Variants in CAMK1D observed in about 807,000 individuals in gnomAD.
CAMK1D encodes the protein calcium/calmodulin dependent protein kinase ID.
In CAMK1D, 9 loss-of-function variants were observed where a neutral mutation model predicts 47.7. That is an observed-to-expected ratio of 0.19 (90% CI 0.11 to 0.33). The LOEUF is 0.33. CAMK1D is among the 10% of genes least tolerant of loss of function. CAMK1D has a pLI of 1.00. For missense variants in CAMK1D, 291 were observed against 488.7 expected, an observed-to-expected ratio of 0.60 and a Z score of 3.81; for synonymous variants, 184 against 184.9, an observed-to-expected ratio of 0.99 and a Z score of 0.04.
At chr10:12,601,428 G>A (rs1238057516) in intron 2 of CAMK1D, among the ~76,000 whole-genome samples, 2 of 152,110 alleles carry the variant, frequency 1.3e-5, no homozygotes, top group Admixed American at 6.5e-5. Context: ...CCTCGTATAA[G>A]TCTGCCACAG....
intron 3 of CAMK1D, among the ~76,000 whole-genome samples, chr10:12,674,382 C>T (rs1181939150): frequency 6.6e-6 from 1 of 152,154 alleles, no homozygotes; most frequent in African/African-American, 2.4e-5. Context: ...CTGTATTTTA[C>T]AATGTTTGTG....
chr10:12,543,339 A>T (rs541812061), intron 1 of CAMK1D, among the ~76,000 whole-genome samples: 1 of 152,228 alleles, frequency 6.6e-6, no homozygotes, highest in Admixed American at 6.5e-5. Flanking sequence ...GTTAGCCACC[A>T]CGCCTGGCCA....
chr10:12,782,332 A>G (rs1837536890), intron 5 of CAMK1D, among the ~76,000 whole-genome samples: 3 of 152,208 alleles, frequency 2.0e-5, no homozygotes, highest in Non-Finnish European at 4.4e-5. Context: ...TGCTACTGAC[A>G]GGAAGCTGAC....
intron 3 of CAMK1D, among the ~76,000 whole-genome samples, chr10:12,728,811 G>A (rs545638716): frequency 6.6e-6 from 1 of 151,530 alleles, no homozygotes; most frequent in African/African-American, 2.4e-5. Context: ...TTGGGAGTGC[G>A]TGTGTGTGTG....
chr10:12,506,761 G>A (rs1834887084), intron 1 of CAMK1D, among the ~76,000 whole-genome samples: 1 of 151,842 alleles, frequency 6.6e-6, no homozygotes. Flanking sequence ...CTCGTGATCC[G>A]CCCGCCTCAG....
At chr10:12,538,167 G>A (rs1373405758) in intron 1 of CAMK1D, among the ~76,000 whole-genome samples, 2 of 152,174 alleles carry the variant, frequency 1.3e-5, no homozygotes, top group South Asian at 2.1e-4. Context: ...AAATAGACCC[G>A]CTTAGTTTAG....
intron 2 of CAMK1D, among the ~76,000 whole-genome samples, chr10:12,627,153 C>T (rs1197877150): frequency 6.7e-6 from 1 of 149,350 alleles, no homozygotes; most frequent in Non-Finnish European, 1.5e-5. Context: ...TCGATCTCCG[C>T]TCACTGCAAG....
chr10:12,554,529 TAGA>T (rs1836698573), intron 2 of CAMK1D, among the ~76,000 whole-genome samples: 1 of 139,506 alleles, frequency 7.2e-6, no homozygotes, highest in African/African-American at 2.5e-5. Flanking sequence ...ATGGCACACA[TAGA>T]ACCATTCATT....
chr10:12,533,731 G>A (rs184852497), intron 1 of CAMK1D, among the ~76,000 whole-genome samples: 15 of 152,258 alleles, frequency 9.9e-5, no homozygotes, highest in Admixed American at 9.8e-4. Flanking sequence ...AACAGTTAGT[G>A]TTCTGACATG....
At chr10:12,579,823 A>T (rs1186913465) in intron 2 of CAMK1D, among the ~76,000 whole-genome samples, 1 of 152,116 alleles carries the variant, frequency 6.6e-6, no homozygotes, top group African/African-American at 2.4e-5. Flanking sequence ...CTTAAGCGAG[A>T]GGTCGGATCT....
intron 10 of CAMK1D, 33 bp downstream of exon 10, chr10:12,825,723 T>C (rs1312412481): frequency 6.2e-7 from 1 of 1,613,730 alleles, no homozygotes; most frequent in Admixed American, 1.7e-5. Flanking sequence ...ATCCCTCAGC[T>C]GACACTGAAG....
At chr10:12,707,727 A>G (rs1321966331) in intron 3 of CAMK1D, among the ~76,000 whole-genome samples, 1 of 152,200 alleles carries the variant, frequency 6.6e-6, no homozygotes, top group Non-Finnish European at 1.5e-5. Flanking sequence ...TATGAGGAGG[A>G]CAAGTAAATG....
At position 12,609,894 on chromosome 10, in the gene CAMK1D, A is replaced by G. The variant is rs541866099; in HGVS notation, c.224+56538A>G. ...AGAGGGAGGGAAAGATCAGCTCTCA[A>G]ACATCCTGGAGAGTTGAAGAAAAAT... is the stretch of plus-strand genomic sequence containing the variant. On this transcript the variant is annotated intron_variant, in intron 2 of 10. Coordinates refer to ENST00000619168, the MANE Select transcript of CAMK1D (RefSeq NM_153498.4). Among the ~76,000 whole-genome samples the G allele has an allele frequency of 6.6e-5, 10 of 152,308 alleles. No homozygotes were observed. The South Asian group carries it at 1.5e-3, about 22-fold the overall frequency.
intron 1 of CAMK1D, among the ~76,000 whole-genome samples, chr10:12,439,022 C>T (rs1320456106): frequency 6.6e-6 from 1 of 152,160 alleles, no homozygotes; most frequent in Non-Finnish European, 1.5e-5. Context: ...GTCTCTTCCT[C>T]TCCTGTTTAT....
intron 1 of CAMK1D, among the ~76,000 whole-genome samples, chr10:12,425,079 G>T (rs902129953): frequency 6.6e-6 from 1 of 152,060 alleles, no homozygotes; most frequent in African/African-American, 2.4e-5. Context: ...ACTGGACGGT[G>T]GGGGCTATGC....
Position 12,823,745 on chromosome 10 carries a change from G to A in CAMK1D, c.834-720G>A, listed in dbSNP as rs780566113. On this transcript the variant is annotated intron_variant, in intron 8 of 10. Transcript: ENST00000619168. The stretch of plus-strand genomic sequence containing the variant: ...GGGCTCAGGTGAATGCAGGGTGGAC[G>A]CCGTCCTTGAAGTTCTAAGAATTTC... 3.4e-4 allele frequency among the ~76,000 whole-genome samples: 52 copies of A among 152,152 alleles called. 2 individuals are homozygous for A. Among genetic ancestry groups the A allele is most frequent in the Admixed American group, 2.6e-4 (4 of 15,272 alleles).
chr10:12,720,385 G>C (rs757823320), intron 3 of CAMK1D, among the ~76,000 whole-genome samples: 2 of 152,190 alleles, frequency 1.3e-5, no homozygotes, highest in Non-Finnish European at 2.9e-5. Context: ...GATGATTTTA[G>C]ACAGTCCCAT....
At chr10:12,555,883 C>T (rs1021580928) in intron 2 of CAMK1D, among the ~76,000 whole-genome samples, 1 of 152,124 alleles carries the variant, frequency 6.6e-6, no homozygotes, top group African/African-American at 2.4e-5. Flanking sequence ...TGGATGCAGG[C>T]TTTATAAACC....
At chr10:12,362,943 C>CTTTT (rs397809296) in intron 1 of CAMK1D, among the ~76,000 whole-genome samples, 1 of 135,292 alleles carries the variant, frequency 7.4e-6, no homozygotes, top group Non-Finnish European at 1.6e-5. Context: ...CCCGCCCGGC[C>CTTTT]TTTTTTTTTT....
Sources: gnomAD v4.1 joint callset for allele counts (sites outside exome capture counted in the v4.1 genomes callset) on GRCh38, gnomAD v4.1.1 for gene constraint, MANE v1.5 for transcripts, NCBI Gene and HGNC (gene_info 2026-07-23, HGNC 2026-07-21) for gene names.